The following IMMP1L variants were observed in gnomAD, a reference collection of about 807,000 sequenced individuals.
IMMP1L encodes mitochondrial inner membrane protease subunit 1.
In IMMP1L, 24 loss-of-function variants were observed where a neutral mutation model predicts 21.8. The observed-to-expected ratio is 1.10, with a 90% CI of 0.80 to 1.55. IMMP1L has a LOEUF of 1.55. Ranked by LOEUF, IMMP1L falls within the 40% of genes most tolerant of loss-of-function variation. The pLI is 0.00. For missense variants in IMMP1L, 195 were observed against 200.7 expected (o/e 0.97, Z 0.17); for synonymous variants, 46 against 62.8 (o/e 0.73, Z 1.26).
intron 4 of IMMP1L, among the ~76,000 whole-genome samples, chr11:31,437,894 T>A (rs942622371): frequency 5.9e-5 from 9 of 152,216 alleles, no homozygotes; most frequent in Admixed American, 1.3e-4. Context: ...CAAGTTTTTA[T>A]GATTAATCTA....
At chr11:31,456,505 T>C (rs1953942852) in intron 3 of IMMP1L, 119 bp from the exon 4 acceptor site, 1 of 654,388 alleles carries the variant, frequency 1.5e-6, no homozygotes, top group Non-Finnish European at 2.5e-6. Context: ...TATCCTCTCA[T>C]ATACTTACTC....
chr11:31,463,085 T>C (rs1954205910), intron 2 of IMMP1L, 87 bp downstream of exon 2: 2 of 1,007,220 alleles, frequency 2.0e-6, no homozygotes, highest in Non-Finnish European at 2.9e-6. Context: ...TAACTTCAAC[T>C]AGGTTTTCAA....
intron 1 of IMMP1L, among the ~76,000 whole-genome samples, chr11:31,475,648 A>C (rs1419084393): frequency 1.3e-5 from 2 of 152,230 alleles, no homozygotes; most frequent in Non-Finnish European, 2.9e-5. Context: ...AGTCTTACTG[A>C]CATCATGAGT....
intron 1 of IMMP1L, among the ~76,000 whole-genome samples, chr11:31,499,057 G>A (rs893234311): frequency 5.9e-5 from 9 of 152,052 alleles, no homozygotes; most frequent in Admixed American, 5.9e-4. Context: ...TAAATTTACT[G>A]CTACTCTCTT....
intron 4 of IMMP1L, among the ~76,000 whole-genome samples, chr11:31,441,904 T>C (rs916052709): frequency 2.0e-5 from 3 of 152,198 alleles, no homozygotes; most frequent in African/African-American, 7.2e-5. Flanking sequence ...TAATTCTATC[T>C]CTTTGTTCAT....
chr11:31,480,313 G>A (rs1210223384), intron 1 of IMMP1L, among the ~76,000 whole-genome samples: 3 of 151,908 alleles, frequency 2.0e-5, no homozygotes, highest in Middle Eastern at 3.5e-3. Flanking sequence ...TTATTAGTAG[G>A]CTGCTTTTCT....
chr11:31,493,961 C>T (rs1042397456), intron 1 of IMMP1L, among the ~76,000 whole-genome samples: 7 of 152,348 alleles, frequency 4.6e-5, no homozygotes, highest in Admixed American at 3.9e-4. Flanking sequence ...TACAGCTCCC[C>T]TCCTGGCTGC....
chr11:31,492,747 C>T (rs988831807), intron 1 of IMMP1L, among the ~76,000 whole-genome samples: 2 of 152,058 alleles, frequency 1.3e-5, no homozygotes, highest in East Asian at 1.9e-4. Context: ...GGGAGGCCAG[C>T]GAAGGAGAGC....
chr11:31,477,099 TAG>T (rs1300515763), intron 1 of IMMP1L: 1 of 152,086 alleles, frequency 6.6e-6, no homozygotes, highest in African/African-American at 2.4e-5. Flanking sequence ...ACAAAAAATA[TAG>T]GTGTCTATAT....
chr11:31,456,341 AT>A lies in IMMP1L; in HGVS notation c.239del (p.Asn80IlefsTer6). 1 of 1,609,802 alleles carries A rather than the reference AT, an allele frequency of 6.2e-7. No homozygotes were observed. The highest frequency in any genetic ancestry group is 8.5e-7 in the Non-Finnish European group (1 of 1,176,498). ...IAKSPSDPKSNICKRVIGLEG... is the reference protein window; with the variant it reads ...IAKSPSDPKSXICKRVIGLEG... ...CCAAACCAATTACTCTTTTACAAAT[AT>A]TTGATTTTGGATCACTTGGGCTTTT... On this transcript the variant is annotated frameshift_variant, in exon 4 of 6. Coordinates refer to ENST00000532287, the MANE Select transcript of IMMP1L (RefSeq NM_001304274.2). LOFTEE classifies it high-confidence loss of function.
intron 1 of IMMP1L, among the ~76,000 whole-genome samples, chr11:31,465,141 A>C (rs1954287904): frequency 6.6e-6 from 1 of 152,170 alleles, no homozygotes; most frequent in Non-Finnish European, 1.5e-5. Context: ...TTTATTCACC[A>C]GGAATGATCT....
intron 1 of IMMP1L, among the ~76,000 whole-genome samples, chr11:31,507,593 T>C (rs1163010746): frequency 1.3e-5 from 2 of 152,164 alleles, no homozygotes; most frequent in East Asian, 3.8e-4. Context: ...TCACATGATC[T>C]TACTCATAGG....
At chr11:31,452,054 A>T (rs571251536) in intron 4 of IMMP1L, 10 of 168,644 alleles carry the variant, frequency 5.9e-5, no homozygotes, top group Non-Finnish European at 9.6e-5. Flanking sequence ...AGAAGTCATT[A>T]GCGACTTTGA....
chr11:31,486,218 C>T (rs964339626), intron 1 of IMMP1L, among the ~76,000 whole-genome samples: 2 of 151,860 alleles, frequency 1.3e-5, no homozygotes, highest in African/African-American at 4.8e-5. Flanking sequence ...GTCCTGATTT[C>T]ATTTTACTTT....
chr11:31,445,616 G>A (rs1953487637), intron 4 of IMMP1L, among the ~76,000 whole-genome samples: 1 of 152,044 alleles, frequency 6.6e-6, no homozygotes, highest in Non-Finnish European at 1.5e-5. Context: ...TCCTGCTTGT[G>A]TTTTACTCAT....
intron 4 of IMMP1L, among the ~76,000 whole-genome samples, chr11:31,454,939 T>G (rs1271570400): frequency 6.6e-6 from 1 of 152,226 alleles, no homozygotes; most frequent in East Asian, 1.9e-4. Flanking sequence ...AATAGTCATA[T>G]GAAGGTGAAA....
rs1488436477 is a variant in IMMP1L at position 31,447,026 on chromosome 11, A to G, written c.321+9234T>C. ...GTGTGCCTAGTGGCTACCATATTGG[A>G]CAGCACAGATACAGGATATTTCCAT... On this transcript the variant is annotated intron_variant, in intron 4 of 5. Transcript: ENST00000532287. Among the ~76,000 whole-genome samples, 4 of 152,342 alleles carry G rather than the reference A, an allele frequency of 2.6e-5. No homozygotes were observed. The East Asian group carries it at 5.8e-4, about 22-fold the overall frequency.
At chr11:31,463,438 G>T in intron 1 of IMMP1L, 133 bp from the exon 2 acceptor site, 1 of 760,546 alleles carries the variant, frequency 1.3e-6, no homozygotes, top group East Asian at 3.2e-5. Flanking sequence ...GAAACCAAGA[G>T]TTTGTTATCA....
chr11:31,435,204 T>A (rs1175748351), intron 4 of IMMP1L, among the ~76,000 whole-genome samples: 1 of 152,098 alleles, frequency 6.6e-6, no homozygotes, highest in African/African-American at 2.4e-5. Context: ...CTATCAACAA[T>A]CTAGGGATAT....
Sources: gnomAD v4.1 joint callset for allele counts (sites outside exome capture counted in the v4.1 genomes callset) on GRCh38, gnomAD v4.1.1 for gene constraint, MANE v1.5 for transcripts, NCBI Gene and HGNC (gene_info 2026-07-23, HGNC 2026-07-21) for gene names.